Variants in HAT1 observed in about 807,000 individuals in gnomAD.
HAT1 encodes the protein histone acetyltransferase 1, also known as histone acetyltransferase type B catalytic subunit.
A neutral mutation model predicts 56.6 loss-of-function variants in HAT1; 20 were observed. That is an observed-to-expected ratio of 0.35 (90% confidence interval 0.25 to 0.51). The LOEUF is 0.51. Ranked by LOEUF, HAT1 falls within the 20% of genes least tolerant of loss-of-function variation. HAT1 has a pLI of 0.95. For synonymous variants in HAT1, 146 were observed against 165.5 expected (o/e 0.88, Z 0.91); for missense variants, 408 against 504.3 (o/e 0.81, Z 1.83).
At chr2:171,963,464 T>C (rs1052796833) in intron 4 of HAT1, among the ~76,000 whole-genome samples, 3 of 152,102 alleles carry the variant, frequency 2.0e-5, no homozygotes, top group African/African-American at 7.2e-5. Flanking sequence ...GTCTTTGAAG[T>C]AGATTTGATA....
intron 4 of HAT1, among the ~76,000 whole-genome samples, chr2:171,959,267 C>A (rs2105330504): frequency 6.6e-6 from 1 of 152,162 alleles, no homozygotes; most frequent in South Asian, 2.1e-4. Context: ...AGACCCAAGC[C>A]CAGCTAGATA....
At chr2:171,981,922 CAG>C (rs1253913272) in intron 10 of HAT1, among the ~76,000 whole-genome samples, 3 of 152,030 alleles carry the variant, frequency 2.0e-5, no homozygotes, top group African/African-American at 4.8e-5. Flanking sequence ...AATTTGGGCA[CAG>C]AGAGCAGTAT....
intron 2 of HAT1, among the ~76,000 whole-genome samples, chr2:171,941,805 A>G (rs887306972): frequency 2.0e-5 from 3 of 152,134 alleles, no homozygotes; most frequent in Non-Finnish European, 4.4e-5. Flanking sequence ...AAACCGATAC[A>G]TGGTGTTTGG....
chr2:171,923,260 T>C (rs779708023), intron 1 of HAT1: 2 of 152,224 alleles, frequency 1.3e-5, no homozygotes, highest in Non-Finnish European at 2.9e-5. Flanking sequence ...ACTTATCTTT[T>C]GAAGTTATGG....
At position 171,929,078 on chromosome 2, in the gene HAT1, A is replaced by G. The variant is rs112601660; in HGVS notation, c.112+3437A>G. Among the ~76,000 whole-genome samples the G allele has an allele frequency of 8.9e-3, 1,357 of 152,322 alleles. 20 individuals are homozygous for G. Among genetic ancestry groups the G allele is most frequent in the African/African-American group, 0.029 (1,201 of 41,564 alleles). ...AGTGTATTAGAATTTTCGTTATTCCATATCCTCACCAACATTTTATGTTGT... is the reference window on the plus strand; with the variant it reads ...AGTGTATTAGAATTTTCGTTATTCCGTATCCTCACCAACATTTTATGTTGT... On this transcript the variant is annotated intron_variant, in intron 2 of 10. Coordinates refer to ENST00000264108, the MANE Select transcript of HAT1 (RefSeq NM_003642.4).
Position 171,952,895 on chromosome 2 carries a change from G to A in HAT1, c.203G>A (p.Gly68Asp). The change falls in exon 4 of 11, where the codon GGT (glycine) becomes GAT (aspartate). Residue 68 changes from glycine (G) to aspartate (D), a missense_variant. Gly to Asp is a moderately conservative substitution (Grantham distance 94). Coordinates refer to ENST00000264108, the MANE Select transcript of HAT1 (RefSeq NM_003642.4). Reference protein sequence around the residue: ...QLFGDDETAFGYKGLKILLYY... With the variant: ...QLFGDDETAFDYKGLKILLYY... Reference sequence around the variant, plus strand: ...TTCCATTTCAGTGAAACTGCTTTTGGTTACAAGGGTCTAAAGATCCTGTTA... The same window carrying A: ...TTCCATTTCAGTGAAACTGCTTTTGATTACAAGGGTCTAAAGATCCTGTTA... 6.3e-7 allele frequency: 1 copy of A among 1,585,426 alleles called. No individual in the cohort carries two copies. The highest frequency in any genetic ancestry group is 2.3e-5 in the East Asian group (1 of 44,404).
At chr2:171,963,336 A>T (rs1370046296) in intron 4 of HAT1, among the ~76,000 whole-genome samples, 1 of 152,052 alleles carries the variant, frequency 6.6e-6, no homozygotes, top group Non-Finnish European at 1.5e-5. Flanking sequence ...GATATTTATT[A>T]CAGGAAATAG....
At chr2:171,970,424 C>A (rs527486031) in intron 8 of HAT1, among the ~76,000 whole-genome samples, 69 of 149,434 alleles carry the variant, frequency 4.6e-4, no homozygotes, top group Middle Eastern at 3.5e-3. Context: ...CAGATTCACA[C>A]ACACATACAC....
At chr2:171,945,711 C>T (rs1687146791) in intron 2 of HAT1, among the ~76,000 whole-genome samples, 1 of 152,004 alleles carries the variant, frequency 6.6e-6, no homozygotes, top group Non-Finnish European at 1.5e-5. Flanking sequence ...CTCTCTTGGC[C>T]AGGCTGCAGT....
At chr2:171,964,728 C>G (rs1446045059) in intron 4 of HAT1, 1 of 152,146 alleles carries the variant, frequency 6.6e-6, no homozygotes, top group Admixed American at 6.6e-5. Context: ...CCAGTCTTGT[C>G]TCTTTTTTAC....
chr2:171,929,199 TTG>T (rs1686675308), intron 2 of HAT1, among the ~76,000 whole-genome samples: 1 of 152,218 alleles, frequency 6.6e-6, no homozygotes, highest in African/African-American at 2.4e-5. Context: ...TAGGTTTTAA[TTG>T]TCTTTTCCCT....
intron 2 of HAT1, among the ~76,000 whole-genome samples, chr2:171,935,078 G>C (rs1417802939): frequency 6.6e-6 from 1 of 151,352 alleles, no homozygotes; most frequent in Non-Finnish European, 1.5e-5. Context: ...CTTTTTACGA[G>C]GCTGCTATGA....
At position 171,926,707 on chromosome 2, in the gene HAT1, C is replaced by T. The variant is rs548367967; in HGVS notation, c.112+1066C>T. On this transcript the variant is annotated intron_variant, in intron 2 of 10. Transcript: ENST00000264108. ...GCCTCCCAAAGTGTTGGGATTATAA[C>T]TGTGAGCCACAGCGCCCCTCCTGGT... Among the ~76,000 whole-genome samples, 5 of 152,332 alleles carry T rather than the reference C, an allele frequency of 3.3e-5. No individual in the cohort carries two copies. In the South Asian group the frequency reaches 8.3e-4, roughly 25 times the overall value.
At chr2:171,941,746 T>G (rs1355741761) in intron 2 of HAT1, among the ~76,000 whole-genome samples, 1 of 152,168 alleles carries the variant, frequency 6.6e-6, no homozygotes, top group Non-Finnish European at 1.5e-5. Context: ...CTTTTCCAGC[T>G]TACCCATTAC....
At chr2:171,922,679 G>C in intron 1 of HAT1, 172 bp downstream of exon 1, 1 of 469,564 alleles carries the variant, frequency 2.1e-6, no homozygotes, top group Middle Eastern at 5.2e-4. Flanking sequence ...CCTTGTTGGC[G>C]GCGGTCCGCG....
At chr2:171,967,438 T>G (rs1434162000) in intron 8 of HAT1, among the ~76,000 whole-genome samples, 1 of 152,068 alleles carries the variant, frequency 6.6e-6, no homozygotes. Flanking sequence ...TAAGGTGAAA[T>G]GTAGGCCTAT....
At chr2:171,974,056 G>A (rs552866146) in intron 8 of HAT1, among the ~76,000 whole-genome samples, 44 of 151,714 alleles carry the variant, frequency 2.9e-4, no homozygotes, top group Middle Eastern at 6.8e-3. Flanking sequence ...GCAAGCACCC[G>A]TGGGCCCAGC....
chr2:171,953,446 T>C (rs549971560), intron 4 of HAT1, among the ~76,000 whole-genome samples: 14 of 151,502 alleles, frequency 9.2e-5, no homozygotes, highest in Admixed American at 9.2e-4. Context: ...TTTTGGAGGC[T>C]GAAGTGGGAG....
At chr2:171,967,811 A>G (rs947016231) in intron 8 of HAT1, among the ~76,000 whole-genome samples, 1 of 152,154 alleles carries the variant, frequency 6.6e-6, no homozygotes, top group African/African-American at 2.4e-5. Flanking sequence ...GTTACAAACT[A>G]TACTATTTAA....
Sources: gnomAD v4.1 joint callset for allele counts (sites outside exome capture counted in the v4.1 genomes callset) on GRCh38, gnomAD v4.1.1 for gene constraint, MANE v1.5 for transcripts, NCBI Gene and HGNC (gene_info 2026-07-23, HGNC 2026-07-21) for gene names.